The following MAPK8IP3 variants were observed in gnomAD, a reference collection of about 807,000 sequenced individuals.
MAPK8IP3 encodes the protein C-Jun-amino-terminal kinase-interacting protein 3.
A neutral mutation model predicts 157.8 loss-of-function variants in MAPK8IP3; 49 were observed. The observed-to-expected ratio is 0.31, with a 90% CI of 0.25 to 0.39. The LOEUF (loss-of-function observed/expected upper bound fraction) is 0.39, where lower values mean the gene tolerates loss of function less well. MAPK8IP3 is among the 10% of genes least tolerant of loss of function. The pLI, the probability that MAPK8IP3 is intolerant of heterozygous loss-of-function variation, is 1.00. For synonymous variants in MAPK8IP3, 897 were observed against 777.7 expected (o/e 1.15, Z -2.55); for missense variants, 1,478 against 1,889.4 (o/e 0.78, Z 4.04).
chr16:1,752,450 A>G, intron 8 of MAPK8IP3: 1 of 352,838 alleles, frequency 2.8e-6, no homozygotes, highest in South Asian at 2.1e-5. Flanking sequence ...TGCGTATAAG[A>G]AAGGCAGGGA....
intron 5 of MAPK8IP3, chr16:1,744,654 A>C: frequency 1.0e-6 from 1 of 985,494 alleles, no homozygotes; most frequent in Admixed American, 6.1e-5. Context: ...ATCTGAAGAC[A>C]CGTCAGCCTC....
At chr16:1,730,484 C>A (rs990413021) in intron 4 of MAPK8IP3, among the ~76,000 whole-genome samples, 25 of 150,560 alleles carry the variant, frequency 1.7e-4, no homozygotes, top group Non-Finnish European at 3.0e-4. Flanking sequence ...TCACGCCTGT[C>A]ATTCCAGCAC....
chr16:1,738,864 TGTGA>T (rs1224229722), intron 4 of MAPK8IP3, among the ~76,000 whole-genome samples: 23 of 136,408 alleles, frequency 1.7e-4, no homozygotes, highest in South Asian at 5.2e-4. Flanking sequence ...TGAGCGTCCG[TGTGA>T]GTGTGACCAT....
chr16:1,730,183 C>T (rs1238508391), intron 4 of MAPK8IP3, among the ~76,000 whole-genome samples: 2 of 152,070 alleles, frequency 1.3e-5, no homozygotes, highest in African/African-American at 4.8e-5. Context: ...ATAGCTTGAG[C>T]CCAGGGGCTG....
At chr16:1,734,782 C>T (rs1391162983) in intron 4 of MAPK8IP3, among the ~76,000 whole-genome samples, 7 of 152,296 alleles carry the variant, frequency 4.6e-5, no homozygotes, top group African/African-American at 1.7e-4. Context: ...GCCAAAACCC[C>T]TTGATTCACC....
Position 1,741,458 on chromosome 16 carries a change from G to A in MAPK8IP3, c.603-1874G>A, listed in dbSNP as rs557956730. 2.0e-5 allele frequency among the ~76,000 whole-genome samples: 3 copies of A among 152,242 alleles called. No individual in the cohort carries two copies. In the East Asian group the frequency reaches 5.8e-4, roughly 29 times the overall value. On this transcript the variant is annotated intron_variant, in intron 4 of 31. Transcript: ENST00000610761. This position sits in a 1 kb window ranked among gnomAD's most constrained non-coding sequence, Gnocchi z 6.9. The stretch of plus-strand genomic sequence containing the variant: ...GGGAGAGCCGTACATGCATTCCCTT[G>A]GCCTCCTGGGAGACCAGAGGCCCCT...
chr16:1,743,556 G>A lies in MAPK8IP3; in HGVS notation c.747+80G>A. On this transcript the variant is annotated intron_variant, in intron 5 of 31. Coordinates refer to ENST00000610761, the MANE Select transcript of MAPK8IP3 (RefSeq NM_001318852.2). This position sits in a 1 kb window ranked among gnomAD's most constrained non-coding sequence, Gnocchi z 5.6. Reference sequence around the variant, plus strand: ...GTTCACTGGGGCGGGAGCCTCGTCTGCAGGCAGCCCTTCACGGCTCTCTGG... The same window carrying A: ...GTTCACTGGGGCGGGAGCCTCGTCTACAGGCAGCCCTTCACGGCTCTCTGG... 1.3e-6 allele frequency: 2 copies of A among 1,542,488 alleles called. No homozygotes were observed. The highest frequency in any genetic ancestry group is 1.7e-6 in the Non-Finnish European group (2 of 1,154,752).
chr16:1,739,815 CG>C (rs2040519967), intron 4 of MAPK8IP3, among the ~76,000 whole-genome samples: 1 of 104,622 alleles, frequency 9.6e-6, no homozygotes, highest in Non-Finnish European at 1.9e-5. Context: ...TCCGTGTGAG[CG>C]TGTGAGCATC....
At chr16:1,720,174 A>G (rs2038424060) in intron 1 of MAPK8IP3, among the ~76,000 whole-genome samples, 1 of 152,212 alleles carries the variant, frequency 6.6e-6, no homozygotes, top group African/African-American at 2.4e-5. Flanking sequence ...AGCTGGGATT[A>G]CAGGCGCACG....
At chr16:1,765,868 C>T in intron 20 of MAPK8IP3, 92 bp from the exon 21 acceptor site, 1 of 1,214,620 alleles carries the variant, frequency 8.2e-7, no homozygotes, top group Admixed American at 2.3e-5. Flanking sequence ...GGAAGGCCAG[C>T]CCCGGCTTCC....
At chr16:1,745,526 C>T (rs1462796984) in intron 5 of MAPK8IP3, 1 of 152,380 alleles carries the variant, frequency 6.6e-6, no homozygotes, top group Non-Finnish European at 1.5e-5. Context: ...TTCTACAAAG[C>T]CACTCCGGGA....
chr16:1,764,932 T>C, intron 19 of MAPK8IP3, 81 bp from the exon 20 acceptor site: 1 of 1,410,454 alleles, frequency 7.1e-7, no homozygotes, highest in Middle Eastern at 2.3e-4. Context: ...TCCTGACAGA[T>C]TCTGGGAGCC....
intron 4 of MAPK8IP3, among the ~76,000 whole-genome samples, chr16:1,734,281 G>A (rs1440364970): frequency 6.6e-6 from 1 of 152,258 alleles, no homozygotes; most frequent in Non-Finnish European, 1.5e-5. Context: ...CCATGGGGGC[G>A]ACAGAGGGGC....
chr16:1,736,687 TGACC>T (rs1305425858), intron 4 of MAPK8IP3, among the ~76,000 whole-genome samples: 1 of 75,020 alleles, frequency 1.3e-5, no homozygotes, highest in South Asian at 8.2e-4. Flanking sequence ...AGCATCCGTG[TGACC>T]GACCGTGTGA....
rs1473678913 is a variant in MAPK8IP3, at chr16:1,736,057, TCC to T, written c.602+6480_602+6481del. Among the ~76,000 whole-genome samples the T allele has an allele frequency of 4.3e-4, 41 of 96,418 alleles. 1 individual carries two copies. The highest frequency in any genetic ancestry group is 1.2e-3 in the South Asian group (2 of 1,716). 63.3% of individuals were successfully genotyped at this position (96,418 alleles called of 152,430 possible). ...GAGCATCCGTGTGAGCGTGTGACCGTCCGTGTGTGTGACCATCCGTGTGAGAG... is the reference window on the plus strand; with the variant it reads ...GAGCATCCGTGTGAGCGTGTGACCGTGTGTGTGTGACCATCCGTGTGAGAG... On this transcript the variant is annotated intron_variant, in intron 4 of 31. Transcript: ENST00000610761.
chr16:1,739,806 CCGTGTGAG>C (rs1340982169), intron 4 of MAPK8IP3, among the ~76,000 whole-genome samples: 4 of 94,564 alleles, frequency 4.2e-5, no homozygotes, highest in East Asian at 3.5e-4. Context: ...GTGTGACCAT[CCGTGTGAG>C]CGTGTGAGCA....
chr16:1,761,312 C>CCACTCTT lies in MAPK8IP3; in HGVS notation c.1539+18_1539+24dup, dbSNP rs780091943. ...CTATCTCTGTACAGAATCGGTACAT[C>CCACTCTT]CACTCTTCACTCTTCACATGCGGGG... On this transcript the variant is annotated splice_region_variant and intron_variant, in intron 13 of 31. Transcript: ENST00000610761. 1 of 1,611,336 alleles carries CCACTCTT rather than the reference C, an allele frequency of 6.2e-7. No individual in the cohort carries two copies. Among genetic ancestry groups the CCACTCTT allele is most frequent in the East Asian group, 2.2e-5 (1 of 44,886 alleles).
intron 4 of MAPK8IP3, among the ~76,000 whole-genome samples, chr16:1,731,421 TC>T (rs1489415184): frequency 6.6e-6 from 1 of 152,130 alleles, no homozygotes; most frequent in Non-Finnish European, 1.5e-5. Context: ...CTGTGCTGGC[TC>T]CCCACAGAGG....
chr16:1,738,780 T>A (rs2040322363), intron 4 of MAPK8IP3, among the ~76,000 whole-genome samples: 1 of 137,550 alleles, frequency 7.3e-6, no homozygotes. Flanking sequence ...TGTGAGCGTG[T>A]GAGCGTCCGT....
Sources: gnomAD v4.1 joint callset for allele counts (sites outside exome capture counted in the v4.1 genomes callset) on GRCh38, gnomAD v4.1.1 for gene constraint, Gnocchi (gnomAD v3.1) non-coding constraint, MANE v1.5 for transcripts, NCBI Gene and HGNC (gene_info 2026-07-23, HGNC 2026-07-21) for gene names.